The following MPDZ variants were observed in gnomAD, a reference collection of about 807,000 sequenced individuals.
The protein encoded by MPDZ is multiple PDZ domain protein.
In MPDZ, 234 loss-of-function variants were observed where a neutral mutation model predicts 239.1. That is an observed-to-expected ratio of 0.98 (90% CI 0.88 to 1.09). The LOEUF is 1.09. Among genes scored for constraint, MPDZ ranks in the 50% least tolerant of loss-of-function variants. The probability of loss-of-function intolerance (pLI) is 0.00; values close to 1 mark genes in which losing one functional copy is unlikely to be tolerated. For missense variants in MPDZ, 3,175 were observed against 2,510.0 expected (o/e 1.26, Z -5.66); for synonymous variants, 1,048 against 881.3 (o/e 1.19, Z -3.35).
intron 3 of MPDZ, among the ~76,000 whole-genome samples, chr9:13,243,819 T>C (rs554705194): frequency 1.3e-5 from 2 of 152,248 alleles, no homozygotes; most frequent in South Asian, 4.1e-4. Flanking sequence ...GGGAGGAAAG[T>C]AAATGAACTA....
intron 3 of MPDZ, among the ~76,000 whole-genome samples, chr9:13,247,095 A>C (rs1420957331): frequency 1.3e-5 from 2 of 152,192 alleles, no homozygotes; most frequent in Non-Finnish European, 2.9e-5. Context: ...TCACCATCTG[A>C]GCTGTCATGG....
At chr9:13,232,876 A>C (rs1962911527) in intron 3 of MPDZ, among the ~76,000 whole-genome samples, 3 of 151,290 alleles carry the variant, frequency 2.0e-5, no homozygotes, top group Non-Finnish European at 1.5e-5. Context: ...AAAAAAAAAA[A>C]AAAAAACCAG....
chr9:13,158,152 A>G, intron 23 of MPDZ, 42 bp from the exon 24 acceptor site: 1 of 1,487,664 alleles, frequency 6.7e-7, no homozygotes, highest in Non-Finnish European at 9.4e-7. Flanking sequence ...AAATCCTAGT[A>G]AAAACATGCA....
intron 18 of MPDZ, among the ~76,000 whole-genome samples, 197 bp downstream of exon 18, chr9:13,186,073 C>T (rs533197648): frequency 1.3e-5 from 2 of 152,266 alleles, no homozygotes; most frequent in African/African-American, 4.8e-5. Flanking sequence ...TTAAGTTTTC[C>T]TCACAAATGT....
Position 13,219,657 on chromosome 9 carries a change from TA to T in MPDZ, c.987del (p.Lys330SerfsTer2). 6.2e-7 allele frequency: 1 copy of T among 1,612,736 alleles called. No homozygotes were observed. The highest frequency in any genetic ancestry group is 1.1e-5 in the South Asian group (1 of 91,072). The part of the protein sequence containing the change: ...AQVLRQCGNR[V>X]KLMIARGAIE... Reference sequence around the variant, plus strand: ...ATGGCACCTCTTGCAATCATCAACTTAACTCTATTTCCACATTGCCTAAGGA... The same window carrying T: ...ATGGCACCTCTTGCAATCATCAACTTACTCTATTTCCACATTGCCTAAGGA... On this transcript the variant is annotated frameshift_variant, in exon 8 of 47. Transcript: ENST00000319217. LOFTEE classifies it high-confidence loss of function.
intron 19 of MPDZ, among the ~76,000 whole-genome samples, chr9:13,178,683 T>A (rs1485826053): frequency 3.9e-5 from 6 of 152,176 alleles, no homozygotes. Flanking sequence ...TTTACAGGTA[T>A]TTATGGTGAC....
intron 21 of MPDZ, among the ~76,000 whole-genome samples, chr9:13,170,528 G>A (rs935434315): frequency 6.6e-6 from 1 of 152,216 alleles, no homozygotes; most frequent in South Asian, 2.1e-4. Flanking sequence ...ACTCCATTTT[G>A]TACTGTTAAA....
At chr9:13,182,246 A>T (rs1953441737) in intron 19 of MPDZ, among the ~76,000 whole-genome samples, 1 of 152,150 alleles carries the variant, frequency 6.6e-6, no homozygotes, top group African/African-American at 2.4e-5. Flanking sequence ...TTTTCAACTT[A>T]ATTTTAAATG....
chr9:13,153,419 T>A (rs562310578), intron 24 of MPDZ, among the ~76,000 whole-genome samples: 2 of 152,242 alleles, frequency 1.3e-5, no homozygotes, highest in African/African-American at 2.4e-5. Flanking sequence ...AGAACCAACA[T>A]CCACCATCCT....
At chr9:13,160,520 G>C (rs1950332327) in intron 23 of MPDZ, among the ~76,000 whole-genome samples, 1 of 151,798 alleles carries the variant, frequency 6.6e-6, no homozygotes, top group Non-Finnish European at 1.5e-5. Flanking sequence ...ATGTTACCTG[G>C]TGTATTCTTT....
chr9:13,261,627 G>C (rs1031414136), intron 1 of MPDZ, among the ~76,000 whole-genome samples: 1 of 152,070 alleles, frequency 6.6e-6, no homozygotes, highest in African/African-American at 2.4e-5. Flanking sequence ...ACAAAGGGCA[G>C]GGAAGCTCCT....
At chr9:13,187,049 C>T (rs1458642053) in intron 17 of MPDZ, among the ~76,000 whole-genome samples, 1 of 152,050 alleles carries the variant, frequency 6.6e-6, no homozygotes, top group Non-Finnish European at 1.5e-5. Context: ...ATATTTATTC[C>T]ACTCTCAGAC....
chr9:13,112,082 G>C lies in MPDZ; in HGVS notation c.5666C>G (p.Pro1889Arg). The C allele has an allele frequency of 6.2e-7, 1 of 1,613,574 alleles. No individual in the cohort carries two copies. The highest frequency in any genetic ancestry group is 8.5e-7 in the Non-Finnish European group (1 of 1,179,576). Residue 1889 changes from proline to arginine, a missense_variant, in exon 43 of 47, where the codon CCT becomes CGT. Pro to Arg is a moderately radical substitution (Grantham distance 103, BLOSUM62 -2). Transcript: ENST00000319217. ...GGVGSPLGDV[P>R]IFIAMMHPTG... ...TGGGTGCATCATTGCAATAAATATA[G>C]GCACATCACCAAGTGGGCTGCCTAC...
intron 41 of MPDZ, 82 bp from the exon 42 acceptor site, chr9:13,113,136 G>C: frequency 7.9e-7 from 1 of 1,261,940 alleles, no homozygotes; most frequent in Admixed American, 2.5e-5. Flanking sequence ...AAGCTGGATG[G>C]GACTAAATGA....
rs1202784398 is a variant in MPDZ at position 13,196,270 on chromosome 9, G to A, written c.1547-40C>T. Reference sequence around the variant, plus strand: ...GCAATTAAGTTAGCAGCAAACTACAGAAATCTCCACATCTTAACATCCTGT... The same window carrying A: ...GCAATTAAGTTAGCAGCAAACTACAAAAATCTCCACATCTTAACATCCTGT... On this transcript the variant is annotated intron_variant, in intron 12 of 46. Coordinates refer to ENST00000319217, the MANE Select transcript of MPDZ (RefSeq NM_001378778.1). 5 of 1,379,492 alleles carry A rather than the reference G, an allele frequency of 3.6e-6. No homozygotes were observed. In the African/African-American group the frequency reaches 7.1e-5, roughly 20 times the overall value. 85.5% of individuals were successfully genotyped at this position (1,379,492 alleles called of 1,614,324 possible).
chr9:13,133,438 G>A (rs1353271360), intron 32 of MPDZ, among the ~76,000 whole-genome samples: 1 of 152,144 alleles, frequency 6.6e-6, no homozygotes, highest in Non-Finnish European at 1.5e-5. Flanking sequence ...TATTTTTAAA[G>A]GACAAGACTA....
chr9:13,147,110 C>A (rs992777215), intron 26 of MPDZ, among the ~76,000 whole-genome samples: 2 of 151,960 alleles, frequency 1.3e-5, no homozygotes, highest in African/African-American at 4.8e-5. Context: ...CGATCATTCA[C>A]AGATGATTAT....
intron 26 of MPDZ, among the ~76,000 whole-genome samples, chr9:13,143,872 C>T (rs1344137054): frequency 2.0e-5 from 3 of 151,930 alleles, no homozygotes; most frequent in African/African-American, 7.3e-5. Context: ...TATATTTTGC[C>T]CATCTTATAT....
intron 26 of MPDZ, among the ~76,000 whole-genome samples, chr9:13,145,326 C>T (rs1245980305): frequency 1.3e-5 from 2 of 151,914 alleles, no homozygotes; most frequent in East Asian, 3.9e-4. Context: ...TAAATGGGGC[C>T]CCCCTTTCAG....
Sources: gnomAD v4.1 joint callset for allele counts (sites outside exome capture counted in the v4.1 genomes callset) on GRCh38, gnomAD v4.1.1 for gene constraint, MANE v1.5 for transcripts, NCBI Gene and HGNC (gene_info 2026-07-23, HGNC 2026-07-21) for gene names.